The following ELOVL7 variants were observed in gnomAD, a reference collection of about 807,000 sequenced individuals.
ELOVL7 encodes ELOVL fatty acid elongase 7, also known as very long chain fatty acid elongase 7.
ELOVL7 carries 27 observed loss-of-function variants against 35.7 expected under a neutral mutation model. The ratio of observed to expected loss-of-function variants is 0.76; its 90% CI spans 0.56 to 1.04. The LOEUF is 1.04. Among genes scored for constraint, ELOVL7 ranks in the 50% least tolerant of loss-of-function variants. The probability of loss-of-function intolerance (pLI) is 0.00; values close to 1 mark genes in which losing one functional copy is unlikely to be tolerated. For synonymous variants in ELOVL7, 113 were observed against 114.6 expected, an observed-to-expected ratio of 0.99 and a Z score of 0.09; for missense variants, 327 against 340.8, an observed-to-expected ratio of 0.96 and a Z score of 0.32.
intron 1 of ELOVL7, among the ~76,000 whole-genome samples, chr5:60,816,441 A>G (rs1326501462): frequency 6.6e-6 from 1 of 152,188 alleles, no homozygotes; most frequent in Non-Finnish European, 1.5e-5. Context: ...TACATAGTCT[A>G]AAGACTTTAC....
At chr5:60,794,624 C>T (rs1310579498) in intron 2 of ELOVL7, among the ~76,000 whole-genome samples, 1 of 152,214 alleles carries the variant, frequency 6.6e-6, no homozygotes, top group African/African-American at 2.4e-5. Flanking sequence ...GACACTGTAC[C>T]TGAGGGAAAG....
At chr5:60,782,484 A>G (rs1053257582) in intron 3 of ELOVL7, among the ~76,000 whole-genome samples, 26 of 152,242 alleles carry the variant, frequency 1.7e-4, no homozygotes, top group African/African-American at 6.0e-4. Context: ...AATAGCCAAG[A>G]TGTGGAATCA....
chr5:60,777,282 C>A (rs956573093), intron 3 of ELOVL7, among the ~76,000 whole-genome samples: 36 of 143,726 alleles, frequency 2.5e-4, no homozygotes, highest in Admixed American at 4.0e-4. Flanking sequence ...GGGATGGATA[C>A]CCCCATTTTA....
At position 60,790,349 on chromosome 5, in the gene ELOVL7, A is replaced by C. The variant is rs1408273618; in HGVS notation, c.-34-2918T>G. ...ATTTTATACTGTTGTTTTGTGGCTCATATAGATATTTTACCTATCTAAAAA... is the reference window on the plus strand; with the variant it reads ...ATTTTATACTGTTGTTTTGTGGCTCCTATAGATATTTTACCTATCTAAAAA... On this transcript the variant is annotated intron_variant, in intron 2 of 8. Transcript: ENST00000508821. Among the ~76,000 whole-genome samples the C allele has an allele frequency of 3.9e-5, 6 of 152,356 alleles. No homozygotes were observed. The East Asian group carries it at 9.6e-4, about 24-fold the overall frequency.
Position 60,767,822 on chromosome 5 carries a change from C to T in ELOVL7, c.336+1G>A. On this transcript the variant is annotated splice_donor_variant, in intron 5 of 8. Coordinates refer to ENST00000508821, the MANE Select transcript of ELOVL7 (RefSeq NM_024930.3). LOFTEE classifies it high-confidence loss of function. ...TCAAGTTTTTCCAAAGAGAAACTTA[C>T]CCTCAAAGCTGTGGGTGACCGTGAA... 1 of 1,611,800 alleles carries T rather than the reference C, an allele frequency of 6.2e-7. No homozygotes were observed. The highest frequency in any genetic ancestry group is 8.5e-7 in the Non-Finnish European group (1 of 1,178,106).
At chr5:60,777,262 AATGCTTGAGGGGATGGAT>A (rs963514346) in intron 3 of ELOVL7, among the ~76,000 whole-genome samples, 4 of 151,820 alleles carry the variant, frequency 2.6e-5, no homozygotes, top group African/African-American at 9.7e-5. Flanking sequence ...CCAAAGGATA[AATGCTTGAGGGGATGGAT>A]ACCCCCATTT....
chr5:60,752,978 A>G lies in ELOVL7; in HGVS notation c.*1646T>C, dbSNP rs2112103797. 6.6e-6 allele frequency: 1 copy of G among 152,016 alleles called. No homozygotes were observed. Among genetic ancestry groups the G allele is most frequent in the Admixed American group, 6.6e-5 (1 of 15,264 alleles). The allele number at this position is 152,016 out of a possible 1,614,324, so 9.4% of individuals were successfully genotyped here. ...AATAATAAATTATATATATATATGT[A>G]ATTACTCCCATTTATCAACCTTTAC... On this transcript the variant is annotated 3_prime_UTR_variant, in exon 9 of 9. Transcript: ENST00000508821.
At chr5:60,766,487 A>C in intron 6 of ELOVL7, 87 bp downstream of exon 6, 1 of 1,115,646 alleles carries the variant, frequency 9.0e-7, no homozygotes, top group Admixed American at 2.2e-5. Flanking sequence ...AAACTACAGC[A>C]GTTTATTGGT....
chr5:60,816,609 G>A (rs897662772), intron 1 of ELOVL7, among the ~76,000 whole-genome samples: 6 of 152,152 alleles, frequency 3.9e-5, no homozygotes, highest in Admixed American at 3.3e-4. Context: ...GTCAGCACTG[G>A]TTATTTCAAC....
chr5:60,768,824 A>G (rs1161807855), intron 4 of ELOVL7: 1 of 335,178 alleles, frequency 3.0e-6, no homozygotes, highest in Non-Finnish European at 6.1e-6. Context: ...CTTCTCTCTC[A>G]GTATAATGGT....
chr5:60,808,606 C>G (rs573915981), intron 1 of ELOVL7, among the ~76,000 whole-genome samples: 111 of 152,268 alleles, frequency 7.3e-4, no homozygotes, highest in African/African-American at 2.7e-3. Context: ...TATGACCCAG[C>G]AATTTTACTC....
intron 1 of ELOVL7, among the ~76,000 whole-genome samples, chr5:60,824,066 A>G (rs968088778): frequency 6.6e-6 from 1 of 152,230 alleles, no homozygotes; most frequent in African/African-American, 2.4e-5. Context: ...TAAATATGGA[A>G]GTAGGATAAA....
At chr5:60,779,951 T>C (rs1743136781) in intron 3 of ELOVL7, among the ~76,000 whole-genome samples, 2 of 152,122 alleles carry the variant, frequency 1.3e-5, no homozygotes, top group African/African-American at 4.8e-5. Context: ...AGGGGCAAAA[T>C]GCTGCCAGTC....
rs1345674625 is a variant in ELOVL7, at chr5:60,754,382, T to G, written c.*242A>C. The G allele has an allele frequency of 6.2e-6, 3 of 487,316 alleles. No individual in the cohort carries two copies. The highest frequency in any genetic ancestry group is 5.8e-5 in the African/African-American group (3 of 51,894). The allele number at this position is 487,316 out of a possible 1,614,324, so 30.2% of individuals were successfully genotyped here. ...TTAAACAAAACCTTTGGATTAGGTT[T>G]AAAAGCAGCTAAAAAAACAAAAACA... On this transcript the variant is annotated 3_prime_UTR_variant, in exon 9 of 9. Transcript: ENST00000508821.
intron 4 of ELOVL7, among the ~76,000 whole-genome samples, chr5:60,769,853 C>T (rs1742468072): frequency 6.6e-6 from 1 of 152,006 alleles, no homozygotes; most frequent in African/African-American, 2.4e-5. Context: ...AGTTTGAGAG[C>T]AGTCTGGGAA....
intron 1 of ELOVL7, among the ~76,000 whole-genome samples, chr5:60,802,343 C>T (rs1286239052): frequency 6.6e-6 from 1 of 152,040 alleles, no homozygotes; most frequent in East Asian, 1.9e-4. Context: ...TGGGAAAATT[C>T]TGATGGGCCA....
At chr5:60,773,669 G>A (rs375167994) in intron 3 of ELOVL7, among the ~76,000 whole-genome samples, 1 of 152,138 alleles carries the variant, frequency 6.6e-6, no homozygotes, top group Admixed American at 6.5e-5. Context: ...AGCAGGGAAG[G>A]AAGAGATCTT....
intron 3 of ELOVL7, among the ~76,000 whole-genome samples, chr5:60,777,666 A>C (rs1164328873): frequency 5.9e-5 from 9 of 152,300 alleles, no homozygotes; most frequent in Non-Finnish European, 1.0e-4. Context: ...AAGTGGGTAC[A>C]GTAAGGAGAG....
chr5:60,807,419 G>C (rs1219958527), intron 1 of ELOVL7, among the ~76,000 whole-genome samples: 3 of 151,618 alleles, frequency 2.0e-5, no homozygotes, highest in Non-Finnish European at 4.4e-5. Context: ...ATTGCTCAGT[G>C]AGAAAAAACA....
Sources: allele counts gnomAD v4.1 joint callset (sites outside exome capture counted in the v4.1 genomes callset), GRCh38; gene constraint gnomAD v4.1.1; transcripts MANE v1.5; gene names NCBI Gene and HGNC (gene_info 2026-07-23, HGNC 2026-07-21).